Variants in FAM120B observed in about 807,000 individuals in gnomAD.
FAM120B encodes the protein constitutive coactivator of peroxisome proliferator-activated receptor gamma.
FAM120B carries 83 observed loss-of-function variants against 96.3 expected under a neutral mutation model. The observed-to-expected ratio is 0.86, with a 90% CI of 0.72 to 1.03. FAM120B has a LOEUF of 1.03. FAM120B is among the 50% of genes least tolerant of loss of function. The pLI is 0.00. For synonymous variants in FAM120B, 407 were observed against 402.7 expected (o/e 1.01, Z -0.13); for missense variants, 1,027 against 1,121.2 (o/e 0.92, Z 1.20).
chr6:170,385,929 A>G (rs181447710), intron 6 of FAM120B, among the ~76,000 whole-genome samples: 158 of 152,330 alleles, frequency 1.0e-3, no homozygotes, highest in African/African-American at 3.7e-3. Flanking sequence ...AAAAGGGAGA[A>G]CTATGGAAAC....
chr6:170,376,380 T>C (rs949561791), intron 6 of FAM120B, among the ~76,000 whole-genome samples: 4 of 151,014 alleles, frequency 2.6e-5, no homozygotes, highest in Non-Finnish European at 5.9e-5. Context: ...GAGATACACA[T>C]ATAGTGTGAT....
At position 170,318,350 on chromosome 6, in the gene FAM120B, T is replaced by G; in HGVS notation, c.960T>G (p.Gly320=). The change falls in exon 2 of 11, where the codon GGT becomes GGG. Residue 320 remains glycine (G), a synonymous_variant. Transcript: ENST00000476287. ...CATGGTTTTTCCAAAAACCCAAAGG[T>G]GTAATAACTTTGGACAAACAAGTAA... ...KSPWFFQKPK[G]VITLDKQVIS... The G allele has an allele frequency of 1.2e-6, 2 of 1,614,192 alleles. No homozygotes were observed. Among genetic ancestry groups the G allele is most frequent in the Non-Finnish European group, 1.7e-6 (2 of 1,180,034 alleles).
At chr6:170,397,304 T>G (rs1778227306) in intron 9 of FAM120B, among the ~76,000 whole-genome samples, 2 of 152,086 alleles carry the variant, frequency 1.3e-5, no homozygotes, top group Admixed American at 6.5e-5. Context: ...TCCCCCTCCA[T>G]CCCTCCCTCA....
At chr6:170,321,355 G>A (rs982206317) in intron 2 of FAM120B, among the ~76,000 whole-genome samples, 1 of 152,266 alleles carries the variant, frequency 6.6e-6, no homozygotes, top group African/African-American at 2.4e-5. Flanking sequence ...CCTTATATCT[G>A]TGTCTTCTCT....
chr6:170,396,937 G>C (rs1778207556), intron 9 of FAM120B, among the ~76,000 whole-genome samples: 1 of 152,250 alleles, frequency 6.6e-6, no homozygotes, highest in Non-Finnish European at 1.5e-5. Flanking sequence ...AGGCGACTCT[G>C]GCCTTGGGGT....
intron 4 of FAM120B, among the ~76,000 whole-genome samples, chr6:170,331,034 A>G (rs1160128263): frequency 6.6e-6 from 1 of 152,198 alleles, no homozygotes; most frequent in African/African-American, 2.4e-5. Flanking sequence ...GGTTATTTCC[A>G]CTGGAAAAAA....
chr6:170,357,775 A>C (rs1217237049), intron 5 of FAM120B, among the ~76,000 whole-genome samples: 1 of 152,192 alleles, frequency 6.6e-6, no homozygotes, highest in East Asian at 1.9e-4. Context: ...TTAGAGTCTA[A>C]CCTGACTAGA....
At chr6:170,342,311 C>T (rs1786891429) in intron 4 of FAM120B, among the ~76,000 whole-genome samples, 1 of 152,144 alleles carries the variant, frequency 6.6e-6, no homozygotes, top group African/African-American at 2.4e-5. Context: ...CAAGTTAATT[C>T]TAGGAGTTTC....
intron 7 of FAM120B, 107 bp downstream of exon 7, chr6:170,388,600 TA>T: frequency 1.1e-6 from 1 of 927,278 alleles, no homozygotes; most frequent in Non-Finnish European, 1.7e-6. Context: ...GCTTTCCAAA[TA>T]AAGGATTCCG....
At chr6:170,404,406 TG>T in intron 9 of FAM120B, 143 bp from the exon 10 acceptor site, 2 of 619,068 alleles carry the variant, frequency 3.2e-6, no homozygotes, top group Non-Finnish European at 5.5e-6. Flanking sequence ...TAATGGCATG[TG>T]GCCACAACTG....
At chr6:170,311,699 C>T (rs544190183) in intron 1 of FAM120B, among the ~76,000 whole-genome samples, 1 of 152,328 alleles carries the variant, frequency 6.6e-6, no homozygotes, top group Admixed American at 6.5e-5. Flanking sequence ...GGGCAGGGAT[C>T]TCATCTGTCT....
intron 6 of FAM120B, among the ~76,000 whole-genome samples, chr6:170,375,508 A>G (rs1420062785): frequency 6.6e-6 from 1 of 152,228 alleles, no homozygotes; most frequent in African/African-American, 2.4e-5. Flanking sequence ...ATTGTGTTCT[A>G]AAATGGAATC....
chr6:170,333,936 G>C (rs897179710), intron 4 of FAM120B, among the ~76,000 whole-genome samples: 2 of 152,182 alleles, frequency 1.3e-5, no homozygotes, highest in Non-Finnish European at 2.9e-5. Flanking sequence ...AAAGGTCCTT[G>C]ATGTGTGCAT....
intron 9 of FAM120B, among the ~76,000 whole-genome samples, chr6:170,401,945 AG>A (rs10711017): frequency 0.61 from 93,364 of 152,124 alleles, 29,538 homozygotes; most frequent in Non-Finnish European, 0.65. Flanking sequence ...TGGATGCATG[AG>A]TGGCCACAGG....
chr6:170,366,804 G>T (rs1184956434), intron 6 of FAM120B, among the ~76,000 whole-genome samples: 2 of 152,220 alleles, frequency 1.3e-5, no homozygotes, highest in Non-Finnish European at 2.9e-5. Flanking sequence ...TCTGGGCCTT[G>T]ATCTTCCCCT....
intron 6 of FAM120B, among the ~76,000 whole-genome samples, chr6:170,378,908 G>T (rs752466733): frequency 6.6e-6 from 1 of 152,272 alleles, no homozygotes; most frequent in Non-Finnish European, 1.5e-5. Context: ...TGTGAGAAGA[G>T]CGTGCTAAGT....
rs1255469326 is a variant in FAM120B, at chr6:170,358,221, T to C, written c.2191-5T>C. The C allele has an allele frequency of 1.3e-6, 2 of 1,591,010 alleles. No individual in the cohort carries two copies. The highest frequency in any genetic ancestry group is 4.5e-5 in the East Asian group (2 of 44,480). On this transcript the variant is annotated splice_region_variant and splice_polypyrimidine_tract_variant and intron_variant, in intron 5 of 10. Transcript: ENST00000476287. ...CTAACACTGGCCTTTCTCTGTCCTTTTCAGGTGGACACGCTTTGCCTGGAG... is the reference window on the plus strand; with the variant it reads ...CTAACACTGGCCTTTCTCTGTCCTTCTCAGGTGGACACGCTTTGCCTGGAG...
intron 5 of FAM120B, among the ~76,000 whole-genome samples, chr6:170,352,800 C>G: frequency 6.6e-6 from 1 of 152,104 alleles, no homozygotes; most frequent in Non-Finnish European, 1.5e-5. Context: ...CTCAAGTTAA[C>G]AACCTGACAT....
At chr6:170,384,963 T>C (rs1790109656) in intron 6 of FAM120B, among the ~76,000 whole-genome samples, 1 of 152,168 alleles carries the variant, frequency 6.6e-6, no homozygotes, top group South Asian at 2.1e-4. Flanking sequence ...ATTCGAATTG[T>C]TGAACACATT....
Sources: allele counts gnomAD v4.1 joint callset (sites outside exome capture counted in the v4.1 genomes callset), GRCh38; gene constraint gnomAD v4.1.1; transcripts MANE v1.5; gene names NCBI Gene and HGNC (gene_info 2026-07-23, HGNC 2026-07-21).